The following ZDHHC13 variants were observed in gnomAD, a reference collection of about 807,000 sequenced individuals.
ZDHHC13 encodes the protein palmitoyltransferase ZDHHC13.
A neutral mutation model predicts 86.0 loss-of-function variants in ZDHHC13; 85 were observed. The ratio of observed to expected loss-of-function variants is 0.99; its 90% CI spans 0.83 to 1.18. ZDHHC13 has a LOEUF of 1.18. ZDHHC13 is among the 50% of genes most tolerant of loss of function. The probability of loss-of-function intolerance (pLI) is 0.00; values close to 1 mark genes in which losing one functional copy is unlikely to be tolerated. For synonymous variants in ZDHHC13, 263 were observed against 246.4 expected, an observed-to-expected ratio of 1.07 and a Z score of -0.63; for missense variants, 711 against 730.2, an observed-to-expected ratio of 0.97 and a Z score of 0.30.
chr11:19,135,706 C>T (rs1265936894), intron 1 of ZDHHC13, among the ~76,000 whole-genome samples: 1 of 152,222 alleles, frequency 6.6e-6, no homozygotes, highest in Admixed American at 6.5e-5. Context: ...GTGGTTCTCC[C>T]AGCATGCAGC....
chr11:19,133,447 A>G (rs1158168575), intron 1 of ZDHHC13, among the ~76,000 whole-genome samples: 1 of 152,078 alleles, frequency 6.6e-6, no homozygotes, highest in Non-Finnish European at 1.5e-5. Context: ...AAGAATACTC[A>G]TAGCAATATG....
intron 1 of ZDHHC13, among the ~76,000 whole-genome samples, chr11:19,123,172 A>T (rs1174421161): frequency 6.6e-6 from 1 of 152,226 alleles, no homozygotes; most frequent in Non-Finnish European, 1.5e-5. Flanking sequence ...CTAAACAAAT[A>T]TTCTCAATTG....
chr11:19,140,840 C>G (rs1849296721), intron 1 of ZDHHC13, among the ~76,000 whole-genome samples: 1 of 147,000 alleles, frequency 6.8e-6, no homozygotes, highest in Non-Finnish European at 1.5e-5. Flanking sequence ...ACTGCATATT[C>G]TCACTCATAG....
At chr11:19,156,876 C>A (rs933680813) in intron 9 of ZDHHC13, among the ~76,000 whole-genome samples, 4 of 152,198 alleles carry the variant, frequency 2.6e-5, no homozygotes, top group Non-Finnish European at 5.9e-5. Context: ...TCTTTTCTCC[C>A]TGCTTAAAGT....
intron 4 of ZDHHC13, chr11:19,148,550 T>G (rs1849528393): frequency 6.6e-6 from 1 of 152,230 alleles, no homozygotes; most frequent in Non-Finnish European, 1.5e-5. Flanking sequence ...CAGTGACATC[T>G]AAGTGGTCTT....
chr11:19,166,534 C>T, intron 14 of ZDHHC13, 149 bp downstream of exon 14: 2 of 530,834 alleles, frequency 3.8e-6, no homozygotes, highest in Non-Finnish European at 6.4e-6. Context: ...ACTCCCTCAG[C>T]ATTGGGAAGC....
intron 1 of ZDHHC13, among the ~76,000 whole-genome samples, chr11:19,129,830 C>T (rs928075481): frequency 6.6e-5 from 10 of 152,102 alleles, no homozygotes; most frequent in Non-Finnish European, 5.9e-5. Context: ...CGGTCGCTCA[C>T]ACCTGTAATC....
chr11:19,150,307 A>C (rs1169501062), intron 5 of ZDHHC13, among the ~76,000 whole-genome samples: 2 of 152,178 alleles, frequency 1.3e-5, no homozygotes, highest in Non-Finnish European at 2.9e-5. Context: ...GTTGCCTCAG[A>C]AGATAGGGAG....
At chr11:19,137,911 A>G (rs1168319110) in intron 1 of ZDHHC13, among the ~76,000 whole-genome samples, 1 of 151,744 alleles carries the variant, frequency 6.6e-6, no homozygotes, top group Non-Finnish European at 1.5e-5. Context: ...CATTCAAAGC[A>G]GTGTGTAGAG....
intron 3 of ZDHHC13, among the ~76,000 whole-genome samples, chr11:19,147,186 A>G (rs1401486431): frequency 6.6e-6 from 1 of 152,316 alleles, no homozygotes; most frequent in South Asian, 2.1e-4. Context: ...TCATTCCCAC[A>G]TAGTAATTCT....
chr11:19,176,343 A>G lies in ZDHHC13; in HGVS notation c.*383A>G, dbSNP rs1850363555. 1 of 153,926 alleles carries G rather than the reference A, an allele frequency of 6.5e-6. No homozygotes were observed. The highest frequency in any genetic ancestry group is 2.4e-5 in the African/African-American group (1 of 41,492). 9.5% of individuals were successfully genotyped at this position (153,926 alleles called of 1,614,324 possible). On this transcript the variant is annotated 3_prime_UTR_variant, in exon 17 of 17. Coordinates refer to ENST00000446113, the MANE Select transcript of ZDHHC13 (RefSeq NM_019028.3). ...TAAGTTATTTGTCTTTGTTGTATCT[A>G]TAAATATGTAAAAAATATTTAAATA...
At chr11:19,123,093 A>G (rs1848792617) in intron 1 of ZDHHC13, among the ~76,000 whole-genome samples, 1 of 152,206 alleles carries the variant, frequency 6.6e-6, no homozygotes, top group African/African-American at 2.4e-5. Context: ...TTCCTGGAGG[A>G]TAGACACCCA....
Position 19,170,464 on chromosome 11 carries a change from C to G in ZDHHC13, c.1528C>G (p.Leu510Val), listed in dbSNP as rs779749924. ...TFKEDGLWTYLNQIVACSPWV... is the reference protein window; with the variant it reads ...TFKEDGLWTYVNQIVACSPWV... ...CAAAGAAGATGGATTATGGACTTACCTCAATCAGATTGTGGCCTGTTCCCC... is the reference window on the plus strand; with the variant it reads ...CAAAGAAGATGGATTATGGACTTACGTCAATCAGATTGTGGCCTGTTCCCC... The change falls in exon 15 of 17, where the codon CTC becomes GTC. Residue 510 changes from leucine (L) to valine (V), a missense_variant. By Grantham distance (32) the Leu-to-Val change is conservative (BLOSUM62 1). Transcript: ENST00000446113. The G allele has an allele frequency of 6.5e-7, 1 of 1,531,944 alleles. No individual in the cohort carries two copies. The highest frequency in any genetic ancestry group is 8.8e-7 in the Non-Finnish European group (1 of 1,139,006). The allele number at this position is 1,531,944 out of a possible 1,614,324, so 94.9% of individuals were successfully genotyped here. A position where few individuals can be genotyped will look rare whatever the true frequency, so the allele number is the denominator to read the frequency against.
chr11:19,144,199 G>A (rs140002243), intron 2 of ZDHHC13, among the ~76,000 whole-genome samples: 134 of 152,202 alleles, frequency 8.8e-4, no homozygotes, highest in African/African-American at 3.0e-3. Context: ...ACAAAGATGA[G>A]CATATTCTTA....
chr11:19,165,722 T>G (rs910473249), intron 13 of ZDHHC13, among the ~76,000 whole-genome samples: 10 of 152,172 alleles, frequency 6.6e-5, no homozygotes, highest in African/African-American at 2.4e-4. Flanking sequence ...TGCTCCTCAG[T>G]TTCGTTTTCT....
intron 1 of ZDHHC13, among the ~76,000 whole-genome samples, chr11:19,133,878 G>A (rs1353801118): frequency 1.5e-5 from 2 of 134,712 alleles, no homozygotes; most frequent in African/African-American, 5.6e-5. Flanking sequence ...GTTTCATGGA[G>A]GTTCATTTTA....
chr11:19,157,031 T>C (rs1206086275), intron 9 of ZDHHC13, among the ~76,000 whole-genome samples: 2 of 152,246 alleles, frequency 1.3e-5, no homozygotes, highest in African/African-American at 2.4e-5. Flanking sequence ...ATCAGGCTCA[T>C]TCCCACCTGG....
At chr11:19,159,496 C>T (rs1329555746) in intron 10 of ZDHHC13, among the ~76,000 whole-genome samples, 3 of 152,006 alleles carry the variant, frequency 2.0e-5, no homozygotes, top group Non-Finnish European at 4.4e-5. Flanking sequence ...ATTCTCAATC[C>T]ACGGTGAAAA....
intron 1 of ZDHHC13, among the ~76,000 whole-genome samples, chr11:19,130,481 T>C (rs182802028): frequency 5.7e-4 from 87 of 152,298 alleles, no homozygotes; most frequent in African/African-American, 1.9e-3. Context: ...TCACTTTTAT[T>C]GACTTATTCT....
Sources: allele counts gnomAD v4.1 joint callset (sites outside exome capture counted in the v4.1 genomes callset), GRCh38; gene constraint gnomAD v4.1.1; transcripts MANE v1.5; gene names NCBI Gene and HGNC (gene_info 2026-07-23, HGNC 2026-07-21).